LHFPL3: variants seen among roughly 807,000 people sequenced by gnomAD.
LHFPL3 encodes the protein LHFPL tetraspan subfamily member 3 protein.
LHFPL3 carries 5 observed loss-of-function variants against 19.3 expected under a neutral mutation model. That is an observed-to-expected ratio of 0.26 (90% confidence interval 0.14 to 0.54). The LOEUF is 0.54. LHFPL3 is among the 20% of genes least tolerant of loss of function. The probability of loss-of-function intolerance (pLI) is 0.94; values close to 1 mark genes in which losing one functional copy is unlikely to be tolerated. For missense variants in LHFPL3, 249 were observed against 307.4 expected (o/e 0.81, Z 1.42); for synonymous variants, 133 against 126.2 (o/e 1.05, Z -0.36).
At chr7:104,603,066 T>TTTTCTTTCTTTCTTTCTTTC (rs373564018) in intron 1 of LHFPL3, among the ~76,000 whole-genome samples, 9 of 108,902 alleles carry the variant, frequency 8.3e-5, no homozygotes, top group African/African-American at 1.8e-4. Flanking sequence ...CTTTCTTTCT[T>TTTTCTTTCTTTCTTTCTTTC]TTTCTTTCTT....
intron 1 of LHFPL3, among the ~76,000 whole-genome samples, chr7:104,429,274 A>G (rs913664006): frequency 6.1e-5 from 9 of 147,772 alleles, no homozygotes; most frequent in Admixed American, 2.7e-4. Context: ...CCAAGGATGC[A>G]TATTTCGGAA....
intron 1 of LHFPL3, among the ~76,000 whole-genome samples, chr7:104,387,459 A>G (rs1211789866): frequency 6.6e-6 from 1 of 152,188 alleles, no homozygotes; most frequent in Non-Finnish European, 1.5e-5. Flanking sequence ...AGCTGACAGA[A>G]GAAAGAACCA....
At chr7:104,817,702 G>A (rs1790582599) in intron 2 of LHFPL3, among the ~76,000 whole-genome samples, 1 of 152,008 alleles carries the variant, frequency 6.6e-6, no homozygotes, top group Non-Finnish European at 1.5e-5. Flanking sequence ...CAGGACCACA[G>A]AAGCCTCCTC....
chr7:104,726,661 T>A (rs1793597099), intron 1 of LHFPL3, among the ~76,000 whole-genome samples: 1 of 152,124 alleles, frequency 6.6e-6, no homozygotes, highest in Admixed American at 6.6e-5. Flanking sequence ...AAGACATGAT[T>A]TCAGTCCTTT....
chr7:104,781,026 C>CCTTGTTGA (rs1398691011), intron 2 of LHFPL3, among the ~76,000 whole-genome samples: 31 of 152,156 alleles, frequency 2.0e-4, no homozygotes, highest in Non-Finnish European at 4.0e-4. Flanking sequence ...TGAAGTCCAT[C>CCTTGTTGA]AGGATGCCAA....
At chr7:104,402,595 C>T (rs1277989049) in intron 1 of LHFPL3, among the ~76,000 whole-genome samples, 1 of 152,178 alleles carries the variant, frequency 6.6e-6, no homozygotes. Context: ...ATTTCACCCC[C>T]TCACAATAGA....
intron 1 of LHFPL3, among the ~76,000 whole-genome samples, chr7:104,529,280 C>G (rs1350068076): frequency 6.6e-6 from 1 of 152,180 alleles, no homozygotes; most frequent in African/African-American, 2.4e-5. Flanking sequence ...ACAGACACCT[C>G]AAACACCAGA....
intron 1 of LHFPL3, among the ~76,000 whole-genome samples, chr7:104,609,004 C>T (rs976366280): frequency 4.6e-5 from 7 of 152,136 alleles, no homozygotes; most frequent in South Asian, 4.1e-4. Context: ...TGGTGGCTCA[C>T]GCCTGTAATC....
At chr7:104,718,424 G>A (rs779119165) in intron 1 of LHFPL3, among the ~76,000 whole-genome samples, 8 of 152,120 alleles carry the variant, frequency 5.3e-5, no homozygotes, top group Non-Finnish European at 1.0e-4. Flanking sequence ...GCTGGTCCTC[G>A]CTGAGAAAGA....
At chr7:104,431,642 G>A (rs563349857) in intron 1 of LHFPL3, among the ~76,000 whole-genome samples, 32 of 152,222 alleles carry the variant, frequency 2.1e-4, no homozygotes, top group Non-Finnish European at 4.6e-4. Flanking sequence ...GACATCATAA[G>A]CCTGAGAATA....
chr7:104,328,839 G>C lies in LHFPL3; in HGVS notation c.60G>C (p.Glu20Asp), dbSNP rs548518760. 6.2e-7 allele frequency: 1 copy of C among 1,613,886 alleles called. No individual in the cohort carries two copies. The highest frequency in any genetic ancestry group is 1.1e-5 in the South Asian group (1 of 91,070). Residue 20 changes from glutamate (E) to aspartate (D), a missense_variant, in exon 1 of 3, where the codon GAG (glutamate) becomes GAC (aspartate). Physicochemically the swap from Glu to Asp is conservative, Grantham distance 45 (BLOSUM62 2). Coordinates refer to ENST00000424859, the MANE Select transcript of LHFPL3 (RefSeq NM_199000.3). This position sits in a 1 kb window ranked among gnomAD's most constrained non-coding sequence, Gnocchi z 4.6. ...AAAAAMLPAQ[E>D]AAKLYHTNYV... ...CCGCCGCGATGCTCCCGGCTCAGGA[G>C]GCTGCCAAGCTGTACCACACCAACT... is the stretch of plus-strand genomic sequence containing the variant.
intron 2 of LHFPL3, among the ~76,000 whole-genome samples, chr7:104,805,382 CAAAT>C (rs996921795): frequency 2.6e-5 from 4 of 152,188 alleles, no homozygotes; most frequent in Admixed American, 6.5e-5. Context: ...AGATGCGACT[CAAAT>C]GAATGTGTAG....
chr7:104,810,757 A>G (rs1790450680), intron 2 of LHFPL3, among the ~76,000 whole-genome samples: 1 of 152,210 alleles, frequency 6.6e-6, no homozygotes, highest in Non-Finnish European at 1.5e-5. Context: ...AATATATTGA[A>G]GCTGGAGGAA....
intron 2 of LHFPL3, among the ~76,000 whole-genome samples, chr7:104,846,779 TGAAGTATCTGGATG>T (rs1791321495): frequency 6.6e-6 from 1 of 152,194 alleles, no homozygotes; most frequent in Non-Finnish European, 1.5e-5. Context: ...GGCTCTGCTA[TGAAGTATCTGGATG>T]AGCTTGAGAA....
chr7:104,338,815 C>T (rs1009472203), intron 1 of LHFPL3, among the ~76,000 whole-genome samples: 1 of 152,132 alleles, frequency 6.6e-6, no homozygotes, highest in African/African-American at 2.4e-5. Context: ...ACATGGCCCA[C>T]CTCTGAGAAA....
chr7:104,905,230 A>C (rs1252646051), intron 2 of LHFPL3, among the ~76,000 whole-genome samples: 2 of 152,174 alleles, frequency 1.3e-5, no homozygotes, highest in African/African-American at 4.8e-5. Flanking sequence ...TGCTGGGATT[A>C]CAAGTGTGAG....
chr7:104,736,136 G>A (rs1051657788), intron 1 of LHFPL3, among the ~76,000 whole-genome samples: 2 of 151,994 alleles, frequency 1.3e-5, no homozygotes, highest in Non-Finnish European at 2.9e-5. Context: ...CAAAGAAAAG[G>A]AAGGAGAAAA....
At chr7:104,742,233 T>C (rs1369200141) in intron 2 of LHFPL3, among the ~76,000 whole-genome samples, 2 of 152,196 alleles carry the variant, frequency 1.3e-5, no homozygotes, top group Non-Finnish European at 2.9e-5. Flanking sequence ...ACACCATTCA[T>C]AAAGAGGTCT....
chr7:104,769,027 G>C (rs1244552552), intron 2 of LHFPL3: 1 of 152,154 alleles, frequency 6.6e-6, no homozygotes, highest in Non-Finnish European at 1.5e-5. Flanking sequence ...CTGTCATTGG[G>C]GAAAGAAATA....
Sources: gnomAD v4.1 joint callset for allele counts (sites outside exome capture counted in the v4.1 genomes callset) on GRCh38, gnomAD v4.1.1 for gene constraint, Gnocchi (gnomAD v3.1) non-coding constraint, MANE v1.5 for transcripts, NCBI Gene and HGNC (gene_info 2026-07-23, HGNC 2026-07-21) for gene names.